The following SMN1 variants were observed in gnomAD, a reference collection of about 807,000 sequenced individuals.
SMN1 encodes the protein survival of motor neuron 1, telomeric.
For synonymous variants in SMN1, 3 were observed against 5.1 expected (o/e 0.58, Z 0.56); for missense variants, 15 against 17.1 (o/e 0.88, Z 0.22).
At chr5:70,956,789 G>A (rs1257430145), downstream of SMN1, among the ~76,000 whole-genome samples, 1 of 149,536 alleles carries the variant, frequency 6.7e-6, no homozygotes, top group Non-Finnish European at 1.5e-5. Context: ...GGATTGACTT[G>A]GCGATGCGGG....
intron 7 of SMN1, among the ~76,000 whole-genome samples, chr5:70,950,477 G>A (rs1218042641): frequency 5.3e-5 from 8 of 150,060 alleles, no homozygotes; most frequent in Admixed American, 5.3e-4. Context: ...TTTTTAAGAT[G>A]GAGTTTTGCC....
chr5:70,958,767 G>A (rs1275637329), downstream of SMN1, among the ~76,000 whole-genome samples: 8 of 147,640 alleles, frequency 5.4e-5, no homozygotes, highest in Admixed American at 3.4e-4. Context: ...GTGTGGTGTG[G>A]TGCTGAAAAA....
intron 7 of SMN1, among the ~76,000 whole-genome samples, chr5:70,949,903 TA>T (rs1190529361): frequency 1.9e-5 from 2 of 103,940 alleles, no homozygotes; most frequent in Non-Finnish European, 1.9e-5. Context: ...CCGTCTCTAC[TA>T]AAAAAAATAC....
intron 1 of SMN1, among the ~76,000 whole-genome samples, chr5:70,935,815 CAG>C (rs1749420793): frequency 8.4e-6 from 1 of 118,754 alleles, no homozygotes; most frequent in Non-Finnish European, 1.7e-5. Flanking sequence ...TATTACAACT[CAG>C]TGAATTTTAT....
At chr5:70,950,439 A>AT (rs1387094005) in intron 7 of SMN1, among the ~76,000 whole-genome samples, 7 of 149,636 alleles carry the variant, frequency 4.7e-5, no homozygotes, top group African/African-American at 1.7e-4. Context: ...GAAGAAAAAT[A>AT]TTTTTTTAAA....
intron 7 of SMN1, among the ~76,000 whole-genome samples, chr5:70,951,097 A>C (rs1749705029): frequency 6.6e-6 from 1 of 151,678 alleles, no homozygotes; most frequent in Non-Finnish European, 1.5e-5. Context: ...TTTTAAATTT[A>C]AATTTTATTT....
chr5:70,956,796 C>G (rs1357202715), downstream of SMN1, among the ~76,000 whole-genome samples: 1 of 149,144 alleles, frequency 6.7e-6, no homozygotes, highest in African/African-American at 2.4e-5. Flanking sequence ...CTTGGCGATG[C>G]GGGCTTTTTT....
chr5:70,955,207 CCT>C (rs773749803), downstream of SMN1, among the ~76,000 whole-genome samples: 23 of 145,032 alleles, frequency 1.6e-4, no homozygotes, highest in Middle Eastern at 3.5e-3. Flanking sequence ...AGACTGAGAC[CCT>C]GTCTCAAAAA....
downstream of SMN1, among the ~76,000 whole-genome samples, chr5:70,956,883 T>C (rs1446125701): frequency 7.5e-6 from 1 of 133,930 alleles, no homozygotes; most frequent in Non-Finnish European, 1.6e-5. Flanking sequence ...GGGGATGGCA[T>C]TGAATCTGTA....
intron 7 of SMN1, among the ~76,000 whole-genome samples, chr5:70,951,282 T>TG (rs1243643576): frequency 2.0e-5 from 3 of 148,386 alleles, no homozygotes; most frequent in Non-Finnish European, 4.5e-5. Context: ...TATTTATTTA[T>TG]TTTTTTTTGA....
chr5:70,959,144 A>T, the SMN1 span, among the ~76,000 whole-genome samples: 1 of 149,474 alleles, frequency 6.7e-6, no homozygotes, highest in South Asian at 2.2e-4. Context: ...TTCTCAGTAA[A>T]CTATCGCAAG....
the SMN1 span, among the ~76,000 whole-genome samples, chr5:70,960,516 GT>G: frequency 6.9e-6 from 1 of 145,020 alleles, no homozygotes; most frequent in South Asian, 2.3e-4. Flanking sequence ...TGTGCCTTCT[GT>G]TTGTGATTTT....
At chr5:70,956,497 G>T (rs1397066633), downstream of SMN1, among the ~76,000 whole-genome samples, 2 of 141,090 alleles carry the variant, frequency 1.4e-5, no homozygotes, top group Non-Finnish European at 3.1e-5. Context: ...TTTTGTATAA[G>T]GTGTAAGGAA....
At chr5:70,956,783 T>C (rs1196271940), downstream of SMN1, among the ~76,000 whole-genome samples, 1 of 149,834 alleles carries the variant, frequency 6.7e-6, no homozygotes, top group Non-Finnish European at 1.5e-5. Context: ...GGCTTAGGAT[T>C]GACTTGGCGA....
At chr5:70,960,919 A>G in the SMN1 span, among the ~76,000 whole-genome samples, 2 of 142,918 alleles carry the variant, frequency 1.4e-5, 1 homozygote. Context: ...CCAGTCTTGA[A>G]CTCCTGACCT....
At chr5:70,957,435 A>G (rs1156909617), downstream of SMN1, among the ~76,000 whole-genome samples, 1 of 144,532 alleles carries the variant, frequency 6.9e-6, no homozygotes, top group Non-Finnish European at 1.5e-5. Flanking sequence ...CCCATTCAGT[A>G]TGATATTGGC....
chr5:70,960,331 C>G, the SMN1 span, among the ~76,000 whole-genome samples: 1 of 148,254 alleles, frequency 6.7e-6, no homozygotes, highest in Non-Finnish European at 1.5e-5. Context: ...AACATCAATA[C>G]TCATGGCAGT....
downstream of SMN1, among the ~76,000 whole-genome samples, chr5:70,956,761 C>T (rs1440327210): frequency 4.0e-4 from 60 of 150,072 alleles, no homozygotes; most frequent in African/African-American, 1.4e-3. Flanking sequence ...ATGCCTCCAG[C>T]TTTGTTCTTT....
chr5:70,958,781 G>A (rs1352912643), downstream of SMN1, among the ~76,000 whole-genome samples: 9 of 148,860 alleles, frequency 6.0e-5, no homozygotes, highest in African/African-American at 2.2e-4. Flanking sequence ...TGAAAAAAAT[G>A]TATATTCTGT....
Sources: gnomAD v4.1 joint callset for allele counts (sites outside exome capture counted in the v4.1 genomes callset) on GRCh38, gnomAD v4.1.1 for gene constraint, MANE v1.5 for transcripts, NCBI Gene and HGNC (gene_info 2026-07-23, HGNC 2026-07-21) for gene names.